The following NFIL3 variants were observed in gnomAD, a reference collection of about 807,000 sequenced individuals.
NFIL3 encodes the protein nuclear factor interleukin-3-regulated protein.
In NFIL3, 5 loss-of-function variants were observed where a neutral mutation model predicts 10.0. That is an observed-to-expected ratio of 0.50 (90% CI 0.26 to 1.06). NFIL3 has a LOEUF of 1.06. Among genes scored for constraint, NFIL3 ranks in the 50% least tolerant of loss-of-function variants. The pLI is 0.13. For missense variants in NFIL3, 436 were observed against 547.6 expected (o/e 0.80, Z 2.03); for synonymous variants, 202 against 206.5 (o/e 0.98, Z 0.19).
the NFIL3 span, among the ~76,000 whole-genome samples, chr9:91,452,347 C>T: frequency 6.6e-6 from 1 of 152,284 alleles, no homozygotes; most frequent in Non-Finnish European, 1.5e-5. Flanking sequence ...CTCTTTCAAC[C>T]AATTGCCAAT....
At chr9:91,417,907 T>C (rs1408369428) in intron 1 of NFIL3, among the ~76,000 whole-genome samples, 2 of 152,184 alleles carry the variant, frequency 1.3e-5, no homozygotes, top group Non-Finnish European at 2.9e-5. Context: ...AATAAATGTG[T>C]CAAAGCCTGA....
At chr9:91,437,238 C>T in the NFIL3 span, among the ~76,000 whole-genome samples, 1 of 152,162 alleles carries the variant, frequency 6.6e-6, no homozygotes, top group Non-Finnish European at 1.5e-5. Context: ...TTTAAAACAG[C>T]TTTATTGAGT....
chr9:91,431,433 C>T, the NFIL3 span, among the ~76,000 whole-genome samples: 1 of 152,164 alleles, frequency 6.6e-6, no homozygotes, highest in Admixed American at 6.5e-5. Flanking sequence ...AACACCACAG[C>T]ATGCACACAC....
the NFIL3 span, among the ~76,000 whole-genome samples, chr9:91,482,458 GA>G: frequency 6.6e-6 from 1 of 152,012 alleles, no homozygotes; most frequent in Non-Finnish European, 1.5e-5. Flanking sequence ...TGATGATGAT[GA>G]TGATGGTGAT....
At chr9:91,427,875 G>T (rs1330502885), upstream of NFIL3, among the ~76,000 whole-genome samples, 6 of 151,954 alleles carry the variant, frequency 3.9e-5, no homozygotes, top group African/African-American at 1.5e-4. Context: ...CAAACTCCTG[G>T]GCTCAAGCAA....
the NFIL3 span, among the ~76,000 whole-genome samples, chr9:91,450,615 T>C: frequency 6.6e-6 from 1 of 152,198 alleles, no homozygotes; most frequent in Non-Finnish European, 1.5e-5. Flanking sequence ...CTTTGTGGCC[T>C]ACCTAACACA....
the NFIL3 span, among the ~76,000 whole-genome samples, chr9:91,430,691 G>A: frequency 1.9e-4 from 29 of 152,082 alleles, no homozygotes; most frequent in African/African-American, 7.0e-4. Context: ...TGTTGCCCAG[G>A]CTGGAGTGCA....
the NFIL3 span, among the ~76,000 whole-genome samples, chr9:91,437,320 T>C: frequency 3.3e-5 from 5 of 152,382 alleles, no homozygotes; most frequent in Admixed American, 2.6e-4. Flanking sequence ...TTACATGTTA[T>C]ATTTTTTGGA....
At chr9:91,439,699 T>C in the NFIL3 span, among the ~76,000 whole-genome samples, 1 of 148,808 alleles carries the variant, frequency 6.7e-6, no homozygotes, top group African/African-American at 2.5e-5. Flanking sequence ...AAATCTAAGC[T>C]GTTGAGAGTT....
At chr9:91,420,134 C>G (rs1833732200) in intron 1 of NFIL3, among the ~76,000 whole-genome samples, 1 of 152,120 alleles carries the variant, frequency 6.6e-6, no homozygotes. Context: ...AGCAGCTCCC[C>G]AAAACATTAA....
chr9:91,418,798 A>G (rs550209079), intron 1 of NFIL3, among the ~76,000 whole-genome samples: 38 of 152,204 alleles, frequency 2.5e-4, no homozygotes, highest in African/African-American at 8.4e-4. Flanking sequence ...AAACTTTCTT[A>G]TCATAAAAAC....
chr9:91,422,330 C>T (rs1833785757), intron 1 of NFIL3, among the ~76,000 whole-genome samples: 1 of 152,102 alleles, frequency 6.6e-6, no homozygotes, highest in Non-Finnish European at 1.5e-5. Context: ...CACTGCGAGG[C>T]CACAATTGTT....
At chr9:91,415,583 T>C (rs772621375) in intron 1 of NFIL3, among the ~76,000 whole-genome samples, 3 of 152,148 alleles carry the variant, frequency 2.0e-5, no homozygotes, top group Non-Finnish European at 2.9e-5. Context: ...CTAAGTTACT[T>C]TGGGCGCAGT....
At chr9:91,424,276 C>T (rs901652577), upstream of NFIL3, among the ~76,000 whole-genome samples, 3 of 152,166 alleles carry the variant, frequency 2.0e-5, no homozygotes, top group Non-Finnish European at 4.4e-5. Flanking sequence ...CGCAGAGGCG[C>T]TTTTTGTCTT....
At chr9:91,465,421 T>C in the NFIL3 span, among the ~76,000 whole-genome samples, 1 of 152,194 alleles carries the variant, frequency 6.6e-6, no homozygotes, top group African/African-American at 2.4e-5. Context: ...CACAGTGTTT[T>C]TTACTTCTAG....
At chr9:91,451,402 T>C in the NFIL3 span, among the ~76,000 whole-genome samples, 3 of 152,244 alleles carry the variant, frequency 2.0e-5, no homozygotes, top group Non-Finnish European at 4.4e-5. Context: ...TCCATGTGTT[T>C]TGATTCTTAT....
At chr9:91,473,718 A>G in the NFIL3 span, among the ~76,000 whole-genome samples, 3 of 152,214 alleles carry the variant, frequency 2.0e-5, no homozygotes, top group African/African-American at 7.2e-5. Flanking sequence ...GGCTGCACCT[A>G]CTGTCCAACC....
At chr9:91,448,829 G>A in the NFIL3 span, among the ~76,000 whole-genome samples, 2 of 152,054 alleles carry the variant, frequency 1.3e-5, no homozygotes, top group Admixed American at 6.5e-5. Context: ...TTTTTGGGTA[G>A]TATTGACAGC....
At chr9:91,482,400 G>C in the NFIL3 span, among the ~76,000 whole-genome samples, 3 of 151,690 alleles carry the variant, frequency 2.0e-5, no homozygotes, top group Non-Finnish European at 2.9e-5. Context: ...TCTTTGGGAG[G>C]CAGTAGTTTA....
Sources: allele counts gnomAD v4.1 joint callset (sites outside exome capture counted in the v4.1 genomes callset), GRCh38; gene constraint gnomAD v4.1.1; transcripts MANE v1.5; gene names NCBI Gene and HGNC (gene_info 2026-07-23, HGNC 2026-07-21).